The following LRP1B variants were observed in gnomAD, a reference collection of about 807,000 sequenced individuals.
LRP1B encodes the protein low-density lipoprotein receptor-related protein 1B.
Under a neutral mutation model 556.6 loss-of-function variants are expected in LRP1B, and 217 were observed. That is an observed-to-expected ratio of 0.39 (90% CI 0.35 to 0.44). The LOEUF (loss-of-function observed/expected upper bound fraction) is 0.44. Among genes scored for constraint, LRP1B ranks in the 20% least tolerant of loss-of-function variants. The pLI is 1.00. For missense variants in LRP1B, 5,053 were observed against 5,620.8 expected, an observed-to-expected ratio of 0.90 and a Z score of 3.23; for synonymous variants, 2,047 against 1,865.8, an observed-to-expected ratio of 1.10 and a Z score of -2.50.
At chr2:141,252,289 G>T (rs977811718) in intron 4 of LRP1B, among the ~76,000 whole-genome samples, 1 of 150,706 alleles carries the variant, frequency 6.6e-6, no homozygotes, top group African/African-American at 2.4e-5. Flanking sequence ...TTGTTTCAGA[G>T]TTGACTTCTG....
At chr2:141,073,709 C>T (rs1194994673) in intron 7 of LRP1B, among the ~76,000 whole-genome samples, 2 of 152,008 alleles carry the variant, frequency 1.3e-5, no homozygotes, top group Non-Finnish European at 2.9e-5. Context: ...CTTTTCTCCA[C>T]TTTGGCAAAA....
At chr2:141,194,140 A>C (rs1318033930) in intron 6 of LRP1B, among the ~76,000 whole-genome samples, 4 of 152,132 alleles carry the variant, frequency 2.6e-5, no homozygotes, top group South Asian at 2.1e-4. Flanking sequence ...AAATATTTCA[A>C]CCTCTTCCAT....
chr2:140,266,494 C>T (rs1278272908), intron 86 of LRP1B, among the ~76,000 whole-genome samples: 1 of 151,902 alleles, frequency 6.6e-6, no homozygotes, highest in Non-Finnish European at 1.5e-5. Context: ...TTTCCTAATC[C>T]TCTTTCTATA....
Position 141,965,693 on chromosome 2 carries a change from A to T in LRP1B, c.83-155292T>A, listed in dbSNP as rs565198013. 1.6e-3 allele frequency among the ~76,000 whole-genome samples: 223 copies of T among 143,602 alleles called. 2 individuals are homozygous for T. Among genetic ancestry groups the T allele is most frequent in the Non-Finnish European group, 3.2e-4 (21 of 66,006 alleles). 94.2% of individuals were successfully genotyped at this position (143,602 alleles called of 152,430 possible). A position where few individuals can be genotyped will look rare whatever the true frequency, so the allele number is the denominator to read the frequency against. On this transcript the variant is annotated intron_variant, in intron 1 of 90. Coordinates refer to ENST00000389484, the MANE Select transcript of LRP1B (RefSeq NM_018557.3). ...GCGCACCAGCATGGCACATGTATAC[A>T]TATGTAACTAACCTGCACAATGTGC... is the stretch of plus-strand genomic sequence containing the variant.
intron 20 of LRP1B, among the ~76,000 whole-genome samples, chr2:140,931,662 T>G (rs1198810295): frequency 6.6e-6 from 1 of 152,150 alleles, no homozygotes; most frequent in Non-Finnish European, 1.5e-5. Context: ...TGTAGAGTTC[T>G]AAGTATCACC....
At chr2:141,275,998 A>G (rs6756546) in intron 3 of LRP1B, among the ~76,000 whole-genome samples, 43,138 of 152,020 alleles carry the variant, frequency 0.28, 6,579 homozygotes, top group Middle Eastern at 0.45. Flanking sequence ...CCTCTCTATA[A>G]GTTTTCACAT....
chr2:140,709,480 AGAG>A (rs548380469), intron 37 of LRP1B, among the ~76,000 whole-genome samples: 29 of 151,182 alleles, frequency 1.9e-4, no homozygotes, highest in East Asian at 1.4e-3. Flanking sequence ...AGGAAGAGGA[AGAG>A]GAGGAGGAGG....
chr2:140,701,001 T>C (rs929125377), intron 40 of LRP1B, among the ~76,000 whole-genome samples: 2 of 152,068 alleles, frequency 1.3e-5, no homozygotes, highest in East Asian at 3.9e-4. Context: ...ACTCTATCTT[T>C]GAGATATGGA....
At chr2:140,990,533 A>G (rs1697060980) in intron 16 of LRP1B, among the ~76,000 whole-genome samples, 1 of 150,238 alleles carries the variant, frequency 6.7e-6, no homozygotes, top group African/African-American at 2.5e-5. Context: ...CCTAGAGTTG[A>G]TGTTAACTAT....
chr2:141,105,912 T>C (rs1288534991), intron 7 of LRP1B, among the ~76,000 whole-genome samples: 1 of 151,802 alleles, frequency 6.6e-6, no homozygotes, highest in Non-Finnish European at 1.5e-5. Flanking sequence ...ACCACAATCA[T>C]CCTCTTAAAA....
At chr2:141,458,971 T>C (rs1438679091) in intron 3 of LRP1B, among the ~76,000 whole-genome samples, 1 of 152,206 alleles carries the variant, frequency 6.6e-6, no homozygotes, top group East Asian at 1.9e-4. Context: ...ATGCTATAGT[T>C]AGTTGCCAGT....
chr2:141,947,475 G>T (rs1164521647), intron 1 of LRP1B, among the ~76,000 whole-genome samples: 1 of 151,796 alleles, frequency 6.6e-6, no homozygotes, highest in Non-Finnish European at 1.5e-5. Context: ...AAAAGGTAAA[G>T]GTGAATGAAC....
intron 3 of LRP1B, among the ~76,000 whole-genome samples, chr2:141,397,840 C>A (rs760726844): frequency 3.3e-5 from 5 of 150,538 alleles, no homozygotes; most frequent in Admixed American, 6.6e-5. Context: ...TTACATATGC[C>A]TATACATTTT....
At chr2:140,749,255 C>T (rs778008565) in intron 35 of LRP1B, among the ~76,000 whole-genome samples, 3 of 152,110 alleles carry the variant, frequency 2.0e-5, no homozygotes, top group Non-Finnish European at 4.4e-5. Flanking sequence ...GTGTACACTA[C>T]TACAGACTTT....
At chr2:140,530,272 A>C (rs1037645485) in intron 47 of LRP1B, among the ~76,000 whole-genome samples, 1 of 141,404 alleles carries the variant, frequency 7.1e-6, no homozygotes, top group African/African-American at 3.0e-5. Context: ...ATATATGTAC[A>C]AAAAAGCACT....
intron 43 of LRP1B, among the ~76,000 whole-genome samples, chr2:140,554,884 G>GTA (rs373738233): frequency 3.4e-5 from 5 of 148,658 alleles, no homozygotes; most frequent in East Asian, 2.0e-4. Context: ...GTGTGTGTGT[G>GTA]TATATGTATA....
chr2:140,385,978 C>T lies in LRP1B; in HGVS notation c.10446G>A (p.Gln3482=). 3 of 1,613,190 alleles carry T rather than the reference C, an allele frequency of 1.9e-6. No individual in the cohort carries two copies. The highest frequency in any genetic ancestry group is 2.5e-6 in the Non-Finnish European group (3 of 1,179,292). ...DKKTCGPHEF[Q]CKNNNCIPDH... is the part of the protein sequence containing the mutation. ...CGGGAATACAGTTGTTGTTTTTACA[C>T]TGGAATTCATGAGGTCCACAAGTCT... Residue 3482 remains glutamine (Q), a synonymous_variant, in exon 67 of 91, where the codon CAG becomes CAA. Transcript: ENST00000389484.
At chr2:141,972,606 T>C (rs963210940) in intron 1 of LRP1B, among the ~76,000 whole-genome samples, 8 of 149,056 alleles carry the variant, frequency 5.4e-5, no homozygotes, top group Non-Finnish European at 8.9e-5. Flanking sequence ...AAAAAGTGCC[T>C]ACAATTAACC....
chr2:141,120,352 A>T (rs1158076037), intron 7 of LRP1B, among the ~76,000 whole-genome samples: 1 of 151,956 alleles, frequency 6.6e-6, no homozygotes, highest in African/African-American at 2.4e-5. Flanking sequence ...TTTGGTGGCC[A>T]TATATTAGTA....
Sources: gnomAD v4.1 joint callset for allele counts (sites outside exome capture counted in the v4.1 genomes callset) on GRCh38, gnomAD v4.1.1 for gene constraint, MANE v1.5 for transcripts, NCBI Gene and HGNC (gene_info 2026-07-23, HGNC 2026-07-21) for gene names.